RAP1GAP2: variants seen among roughly 807,000 people sequenced by gnomAD.
The protein encoded by RAP1GAP2 is rap1 GTPase-activating protein 2.
In RAP1GAP2, 27 loss-of-function variants were observed where a neutral mutation model predicts 95.0. That is an observed-to-expected ratio of 0.28 (90% CI 0.21 to 0.39). The LOEUF (loss-of-function observed/expected upper bound fraction) is 0.39. Ranked by LOEUF, RAP1GAP2 falls within the 10% of genes least tolerant of loss-of-function variation. RAP1GAP2 has a pLI of 1.00. For synonymous variants in RAP1GAP2, 373 were observed against 380.9 expected (o/e 0.98, Z 0.24); for missense variants, 771 against 970.0 (o/e 0.79, Z 2.72).
At chr17:3,028,056 A>G (rs1305454371) in intron 22 of RAP1GAP2, among the ~76,000 whole-genome samples, 1 of 151,828 alleles carries the variant, frequency 6.6e-6, no homozygotes, top group African/African-American at 2.4e-5. Context: ...CCTGGGTCCA[A>G]ATCCTGGGTC....
chr17:2,950,835 T>C (rs1268744727), intron 3 of RAP1GAP2, among the ~76,000 whole-genome samples: 1 of 152,106 alleles, frequency 6.6e-6, no homozygotes, highest in African/African-American at 2.4e-5. Flanking sequence ...GGTCTTGAAC[T>C]CCTGACCTCA....
At chr17:2,853,124 C>G (rs1014362792) in intron 2 of RAP1GAP2, among the ~76,000 whole-genome samples, 1 of 152,106 alleles carries the variant, frequency 6.6e-6, no homozygotes, top group Non-Finnish European at 1.5e-5. Context: ...GAGCCGACCC[C>G]AGCCCACTCT....
intron 2 of RAP1GAP2, among the ~76,000 whole-genome samples, chr17:2,837,558 G>A (rs985158107): frequency 1.1e-4 from 16 of 151,868 alleles, no homozygotes; most frequent in Non-Finnish European, 1.6e-4. Flanking sequence ...TGGATTTGGC[G>A]GAAGTCAGTG....
intron 3 of RAP1GAP2, among the ~76,000 whole-genome samples, chr17:2,908,096 C>T (rs1210811032): frequency 1.3e-5 from 2 of 152,158 alleles, no homozygotes; most frequent in African/African-American, 2.4e-5. Context: ...TGAGCCACCA[C>T]GCCTGGCCCA....
intron 1 of RAP1GAP2, among the ~76,000 whole-genome samples, chr17:2,766,112 G>A (rs773673405): frequency 2.0e-5 from 3 of 152,178 alleles, no homozygotes; most frequent in South Asian, 2.1e-4. Flanking sequence ...GTGGTTGGGC[G>A]GCCATGGGGG....
In RAP1GAP2 at chr17:2,868,220, A is replaced by G. The variant is rs188196225; in HGVS notation, c.81-37064A>G. Among the ~76,000 whole-genome samples the G allele has an allele frequency of 1.1e-4, 16 of 152,172 alleles. No homozygotes were observed. The East Asian group carries it at 3.1e-3, about 29-fold the overall frequency. On this transcript the variant is annotated intron_variant, in intron 2 of 24. Coordinates refer to ENST00000254695, the MANE Select transcript of RAP1GAP2 (RefSeq NM_015085.5). ...TGGCCAGTGGATGCTTTTGGTTACG[A>G]GGCCCTGGCTGAGAGAAGGGCTGGC...
chr17:2,883,498 C>T (rs1597505159), intron 2 of RAP1GAP2, among the ~76,000 whole-genome samples: 1 of 152,196 alleles, frequency 6.6e-6, no homozygotes, highest in African/African-American at 2.4e-5. Context: ...AGGGAAGCGC[C>T]TTCGATCTAA....
At chr17:2,826,015 C>T (rs113253791) in intron 2 of RAP1GAP2, among the ~76,000 whole-genome samples, 3 of 134,530 alleles carry the variant, frequency 2.2e-5, no homozygotes, top group Admixed American at 8.2e-5. Context: ...GAGTCTTGCT[C>T]TGTCGCCCCG....
In RAP1GAP2 at chr17:2,998,340, G is replaced by C; in HGVS notation, c.1164G>C (p.Gln388His). ...SNFLHAYIVV[Q>H]VETPGTETPS... ...TCTTACATGCCTACATCGTCGTGCAGGTCGAGACCCCAGGCACAGAGACCC... is the reference window on the plus strand; with the variant it reads ...TCTTACATGCCTACATCGTCGTGCACGTCGAGACCCCAGGCACAGAGACCC... The change falls in exon 14 of 25, where the codon CAG (glutamine) becomes CAC (histidine). Residue 388 changes from glutamine (Q) to histidine (H), a missense_variant. By Grantham distance (24) the Gln-to-His change is conservative (BLOSUM62 0). Transcript: ENST00000254695. 6.2e-7 allele frequency: 1 copy of C among 1,614,024 alleles called. No individual in the cohort carries two copies. Among genetic ancestry groups the C allele is most frequent in the Admixed American group, 1.7e-5 (1 of 60,022 alleles).
chr17:2,873,440 A>C (rs2072935688), intron 2 of RAP1GAP2, among the ~76,000 whole-genome samples: 1 of 128,438 alleles, frequency 7.8e-6, no homozygotes, highest in Non-Finnish European at 1.6e-5. Context: ...TTGCCACTGC[A>C]CTCCAGCCAG....
At chr17:2,765,131 G>A (rs551148596) in intron 1 of RAP1GAP2, among the ~76,000 whole-genome samples, 1 of 152,290 alleles carries the variant, frequency 6.6e-6, no homozygotes, top group Non-Finnish European at 1.5e-5. Flanking sequence ...GCAGGTCACA[G>A]AGGAGGGACA....
At chr17:2,979,682 G>T (rs2045278194) in intron 8 of RAP1GAP2, among the ~76,000 whole-genome samples, 1 of 150,578 alleles carries the variant, frequency 6.6e-6, no homozygotes, top group African/African-American at 2.4e-5. Flanking sequence ...GGCCAGGCTG[G>T]TCTCGAACTC....
intron 4 of RAP1GAP2, among the ~76,000 whole-genome samples, chr17:2,959,010 T>C (rs998118401): frequency 2.4e-4 from 37 of 152,266 alleles, no homozygotes; most frequent in Admixed American, 1.4e-3. Flanking sequence ...CAGGCTGGCA[T>C]GTGCCTCACA....
intron 1 of RAP1GAP2, among the ~76,000 whole-genome samples, chr17:2,783,728 C>T (rs904762783): frequency 5.3e-5 from 8 of 152,224 alleles, no homozygotes; most frequent in Admixed American, 2.6e-4. Flanking sequence ...GTGGGGATAA[C>T]GCTTCTCCAC....
At chr17:2,879,738 A>AT (rs1441864129) in intron 2 of RAP1GAP2, among the ~76,000 whole-genome samples, 1 of 150,998 alleles carries the variant, frequency 6.6e-6, no homozygotes, top group African/African-American at 2.4e-5. Context: ...AAAAAAAAAA[A>AT]AGAAAGTCCC....
chr17:2,878,905 G>A (rs759484591), intron 2 of RAP1GAP2, among the ~76,000 whole-genome samples: 42 of 152,352 alleles, frequency 2.8e-4, no homozygotes, highest in Non-Finnish European at 5.7e-4. Context: ...GTGTGATGGG[G>A]TAATAATAGT....
At chr17:2,862,426 G>C (rs1028010189) in intron 2 of RAP1GAP2, among the ~76,000 whole-genome samples, 1 of 152,064 alleles carries the variant, frequency 6.6e-6, no homozygotes, top group Non-Finnish European at 1.5e-5. Flanking sequence ...AGGCCTGTTC[G>C]GTGAAATCAA....
chr17:2,900,751 A>AT (rs1351237484), intron 2 of RAP1GAP2, among the ~76,000 whole-genome samples: 2 of 152,088 alleles, frequency 1.3e-5, no homozygotes, highest in Non-Finnish European at 2.9e-5. Flanking sequence ...CACAGCTATT[A>AT]TTTTTAACTC....
intron 3 of RAP1GAP2, among the ~76,000 whole-genome samples, chr17:2,942,651 T>TA (rs1244838604): frequency 6.6e-6 from 1 of 152,186 alleles, no homozygotes; most frequent in Non-Finnish European, 1.5e-5. Flanking sequence ...TTTTCTCTTT[T>TA]AAAAAAATTG....
Sources: allele counts gnomAD v4.1 joint callset (sites outside exome capture counted in the v4.1 genomes callset), GRCh38; gene constraint gnomAD v4.1.1; transcripts MANE v1.5; gene names NCBI Gene and HGNC (gene_info 2026-07-23, HGNC 2026-07-21).